The following FBXL12 variants were observed in gnomAD, a reference collection of about 807,000 sequenced individuals.
FBXL12 encodes F-box/LRR-repeat protein 12.
In FBXL12, 22 loss-of-function variants were observed where a neutral mutation model predicts 24.9. The ratio of observed to expected loss-of-function variants is 0.88; its 90% CI spans 0.63 to 1.26. FBXL12 has a LOEUF of 1.26. FBXL12 is among the 50% of genes most tolerant of loss of function. The pLI is 0.00. For synonymous variants in FBXL12, 193 were observed against 193.8 expected (o/e 1.00, Z 0.03); for missense variants, 384 against 434.1 (o/e 0.88, Z 1.03).
chr19:9,817,601 C>CT (rs1167264931), intron 2 of FBXL12, among the ~76,000 whole-genome samples: 10 of 152,140 alleles, frequency 6.6e-5, no homozygotes, highest in African/African-American at 2.2e-4. Context: ...CTTTGGGAGA[C>CT]TGAGGTTGGG....
intron 2 of FBXL12, chr19:9,818,182 G>A: frequency 2.4e-6 from 1 of 419,458 alleles, no homozygotes; most frequent in Non-Finnish European, 4.2e-6. Flanking sequence ...AGCCTGAGCA[G>A]CAGAGCGAGA....
chr19:9,816,946 G>A (rs529417045), intron 2 of FBXL12, among the ~76,000 whole-genome samples: 54 of 152,272 alleles, frequency 3.5e-4, no homozygotes, highest in Middle Eastern at 3.4e-3. Context: ...GATGGCAAAA[G>A]AAAATGAGAA....
At chr19:9,813,866 C>T (rs2045817663) in intron 2 of FBXL12, among the ~76,000 whole-genome samples, 1 of 151,348 alleles carries the variant, frequency 6.6e-6, no homozygotes, top group Admixed American at 6.6e-5. Flanking sequence ...CTCAAACACC[C>T]GACCTCAAGT....
rs1439857828 is a variant in FBXL12 at position 9,811,436 on chromosome 19, G to A, written c.441C>T (p.Pro147=). The change falls in exon 3 of 3, where the codon CCC becomes CCT. Residue 147 remains proline, a synonymous_variant. Transcript: ENST00000247977. This position sits in a 1 kb window ranked among gnomAD's most constrained non-coding sequence, Gnocchi z 6.0. Reference sequence around the variant, plus strand: ...TGCATTCAAGCAGGGGCAGCACGGTGGGGTCCTGCTGCTTGTGGAGCCAGG... The same window carrying A: ...TGCATTCAAGCAGGGGCAGCACGGTAGGGTCCTGCTGCTTGTGGAGCCAGG... ...SMAWLHKQQD[P]TVLPLLECIV... 5 of 1,613,642 alleles carry A rather than the reference G, an allele frequency of 3.1e-6. No individual in the cohort carries two copies. Among genetic ancestry groups the A allele is most frequent in the Non-Finnish European group, 4.2e-6 (5 of 1,180,004 alleles).
In FBXL12 at chr19:9,815,335, G is replaced by T. The variant is rs141061630; in HGVS notation, c.159+3210C>A. 1.8e-4 allele frequency among the ~76,000 whole-genome samples: 27 copies of T among 152,348 alleles called. No homozygotes were observed. The East Asian group carries it at 5.2e-3, about 29-fold the overall frequency. On this transcript the variant is annotated intron_variant, in intron 2 of 2. Coordinates refer to ENST00000247977, the MANE Select transcript of FBXL12 (RefSeq NM_017703.3). ...GTCTTGGCCAGCTCCGCCCCTTGTGGCTTTACAGGGTACAGCCTCCCTCCC... is the reference window on the plus strand; with the variant it reads ...GTCTTGGCCAGCTCCGCCCCTTGTGTCTTTACAGGGTACAGCCTCCCTCCC...
chr19:9,812,094 T>G (rs555182188), intron 2 of FBXL12, among the ~76,000 whole-genome samples: 1 of 152,056 alleles, frequency 6.6e-6, no homozygotes, highest in Non-Finnish European at 1.5e-5. Flanking sequence ...GCCCAGCTAA[T>G]TTTTGTGATT....
At chr19:9,817,084 G>A (rs373464575) in intron 2 of FBXL12, among the ~76,000 whole-genome samples, 10 of 152,292 alleles carry the variant, frequency 6.6e-5, no homozygotes, top group African/African-American at 1.7e-4. Context: ...CCCACAACAC[G>A]TGGGAATTCT....
intron 2 of FBXL12, chr19:9,814,151 TG>T: frequency 6.0e-6 from 1 of 167,658 alleles, no homozygotes; most frequent in Non-Finnish European, 1.3e-5. Flanking sequence ...TCCACATGGC[TG>T]GGGAGGCCTC....
rs745981556 is a variant in FBXL12, at chr19:9,811,687, G to C, written c.190C>G (p.Arg64Gly). The change falls in exon 3 of 3, where the codon CGA becomes GGA. Residue 64 changes from arginine (R) to glycine (G), a missense_variant. Transcript: ENST00000247977. This position sits in a 1 kb window ranked among gnomAD's most constrained non-coding sequence, Gnocchi z 6.0. ...MRPKVMWHLLRRYMASRLHSL... is the reference protein window; with the variant it reads ...MRPKVMWHLLGRYMASRLHSL... Reference sequence around the variant, plus strand: ...TGGAGCCGGGATGCCATGTACCTTCGAAGGAGGTGCCACATGACTTTAGGT... The same window carrying C: ...TGGAGCCGGGATGCCATGTACCTTCCAAGGAGGTGCCACATGACTTTAGGT... 6.6e-7 allele frequency: 1 copy of C among 1,513,478 alleles called. No individual in the cohort carries two copies. Among genetic ancestry groups the C allele is most frequent in the Non-Finnish European group, 8.8e-7 (1 of 1,131,476 alleles). 93.8% of individuals were successfully genotyped at this position (1,513,478 alleles called of 1,614,324 possible).
Position 9,811,612 on chromosome 19 carries a change from A to G in FBXL12, c.265T>C (p.Leu89=), listed in dbSNP as rs768104743. ...AGGGCTCTCAACAGAGCAGGGGACA[A>G]CTGGGGGGCCTGGGAGCCAGAGAAC... is the stretch of plus-strand genomic sequence containing the variant. ...YLFSGSQAPQ[L]SPALLRALGQ... The change falls in exon 3 of 3, where the codon TTG becomes CTG. Residue 89 remains leucine (L), a synonymous_variant. Transcript: ENST00000247977. The surrounding 1 kb of genome is among the most constrained non-coding windows in gnomAD (Gnocchi z 6.0). The G allele has an allele frequency of 1.7e-5, 26 of 1,541,348 alleles. No homozygotes were observed. In the East Asian group the frequency reaches 5.9e-4, roughly 35 times the overall value.
intron 2 of FBXL12, among the ~76,000 whole-genome samples, chr19:9,816,215 G>A (rs1252624142): frequency 6.6e-6 from 1 of 152,134 alleles, no homozygotes; most frequent in East Asian, 1.9e-4. Flanking sequence ...GACATGGCCT[G>A]GAGACATTTT....
rs958545310 is a variant in FBXL12, at chr19:9,811,816, G to T, written c.160-99C>A. 8.6e-6 allele frequency: 9 copies of T among 1,051,348 alleles called. No individual in the cohort carries two copies. Among genetic ancestry groups the T allele is most frequent in the South Asian group, 2.4e-5 (1 of 42,246 alleles). 65.1% of individuals were successfully genotyped at this position (1,051,348 alleles called of 1,614,324 possible). On this transcript the variant is annotated intron_variant, in intron 2 of 2. Transcript: ENST00000247977. The surrounding 1 kb of genome is among the most constrained non-coding windows in gnomAD (Gnocchi z 6.0). ...CACAACCCCGGGGTGGGGGATTCTG[G>T]TGCCCTGCTGGGCTTCTGCCCTTGC...
In FBXL12 at chr19:9,811,439, G is replaced by A. The variant is rs747745647; in HGVS notation, c.438C>T (p.Asp146=). ...ISMAWLHKQQ[D]PTVLPLLECI... ...ATTCAAGCAGGGGCAGCACGGTGGG[G>A]TCCTGCTGCTTGTGGAGCCAGGCCA... is the stretch of plus-strand genomic sequence containing the variant. The change falls in exon 3 of 3, where the codon GAC becomes GAT. Residue 146 remains aspartate (D), a synonymous_variant. Transcript: ENST00000247977. This position sits in a 1 kb window ranked among gnomAD's most constrained non-coding sequence, Gnocchi z 6.0. 1.2e-6 allele frequency: 2 copies of A among 1,613,750 alleles called. No homozygotes were observed. Among genetic ancestry groups the A allele is most frequent in the Non-Finnish European group, 1.7e-6 (2 of 1,179,992 alleles).
intron 2 of FBXL12, among the ~76,000 whole-genome samples, chr19:9,816,238 A>T (rs2045881346): frequency 6.6e-6 from 1 of 152,086 alleles, no homozygotes; most frequent in African/African-American, 2.4e-5. Flanking sequence ...CCATGGTCCT[A>T]ATTAGGTTCC....
chr19:9,817,156 G>A (rs1272693766), intron 2 of FBXL12, among the ~76,000 whole-genome samples: 2 of 152,106 alleles, frequency 1.3e-5, no homozygotes, highest in African/African-American at 2.4e-5. Context: ...CATGAACCAA[G>A]AGAGAAAGAA....
At position 9,816,093 on chromosome 19, in the gene FBXL12, G is replaced by A. The variant is rs557625344; in HGVS notation, c.159+2452C>T. On this transcript the variant is annotated intron_variant, in intron 2 of 2. Transcript: ENST00000247977. ...CTACAGCTGGAGCAGCTAGGGCACA[G>A]GACACCAAGTCCCAGGGTGAACATA... Among the ~76,000 whole-genome samples the A allele has an allele frequency of 2.0e-5, 3 of 152,278 alleles. No homozygotes were observed. The South Asian group carries it at 6.2e-4, about 32-fold the overall frequency.
intron 2 of FBXL12, among the ~76,000 whole-genome samples, chr19:9,816,793 T>C (rs374267531): frequency 6.6e-6 from 1 of 152,198 alleles, no homozygotes; most frequent in South Asian, 2.1e-4. Context: ...GCTACCAATT[T>C]ACAGTATTAG....
intron 2 of FBXL12, among the ~76,000 whole-genome samples, chr19:9,816,026 C>T (rs1211315037): frequency 6.6e-6 from 1 of 152,174 alleles, no homozygotes; most frequent in Non-Finnish European, 1.5e-5. Context: ...GGGCTTCCAC[C>T]CTCTGAAGCC....
At chr19:9,818,462 C>T in intron 2 of FBXL12, 83 bp downstream of exon 2, 1 of 1,419,872 alleles carries the variant, frequency 7.0e-7, no homozygotes, top group Non-Finnish European at 9.5e-7. Context: ...GGCCCCGACA[C>T]ACAGTCCCAG....
Sources: allele counts gnomAD v4.1 joint callset (sites outside exome capture counted in the v4.1 genomes callset), GRCh38; gene constraint gnomAD v4.1.1; non-coding constraint Gnocchi (gnomAD v3.1); transcripts MANE v1.5; gene names NCBI Gene and HGNC (gene_info 2026-07-23, HGNC 2026-07-21).